PLCXD1: variants seen among roughly 807,000 people sequenced by gnomAD.
PLCXD1 encodes the protein phosphatidylinositol specific phospholipase C X domain containing 1, also known as PI-PLC X domain-containing protein 1.
PLCXD1 carries 45 observed loss-of-function variants against 37.8 expected under a neutral mutation model. The observed-to-expected ratio is 1.19, with a 90% CI of 0.94 to 1.53. The LOEUF (loss-of-function observed/expected upper bound fraction) is 1.53. PLCXD1 is among the 40% of genes most tolerant of loss of function. The probability of loss-of-function intolerance (pLI) is 0.00; values close to 1 mark genes in which losing one functional copy is unlikely to be tolerated. For synonymous variants in PLCXD1, 246 were observed against 206.9 expected (o/e 1.19, Z -1.62); for missense variants, 539 against 454.7 (o/e 1.19, Z -1.69).
rs1027359596 is a variant in PLCXD1 at position 302,766 on chromosome X, G to C, written c.*3431G>C. On this transcript the variant is annotated 3_prime_UTR_variant, in exon 7 of 7. Transcript: ENST00000381657. ...TTTTTGTGTGTTTAGCAGAGACGGG[G>C]TTTCACCATGTTGGCCAGGCTGGTC... 5 of 151,890 alleles carry C rather than the reference G, an allele frequency of 3.3e-5. No homozygotes were observed. The highest frequency in any genetic ancestry group is 9.7e-5 in the African/African-American group (4 of 41,346). 9.4% of individuals were successfully genotyped at this position (151,890 alleles called of 1,614,324 possible). A position where few individuals can be genotyped will look rare whatever the true frequency, so the allele number is the denominator to read the frequency against.
chrX:301,764 T>A lies in PLCXD1; in HGVS notation c.*2429T>A, dbSNP rs974076945. On this transcript the variant is annotated 3_prime_UTR_variant, in exon 7 of 7. Transcript: ENST00000381657. ...CCTCAGCCTCCTGAGTAGCTGGGATTACAGGCGCCCGCCACCGCGCCTGGC... is the reference window on the plus strand; with the variant it reads ...CCTCAGCCTCCTGAGTAGCTGGGATAACAGGCGCCCGCCACCGCGCCTGGC... 1 of 152,218 alleles carries A rather than the reference T, an allele frequency of 6.6e-6. No homozygotes were observed. Among genetic ancestry groups the A allele is most frequent in the African/African-American group, 2.4e-5 (1 of 41,426 alleles). The allele number at this position is 152,218 out of a possible 1,614,324, so 9.4% of individuals were successfully genotyped here.
At position 299,235 on chromosome X, in the gene PLCXD1, CG is replaced by C; in HGVS notation, c.875del (p.Gly292ValfsTer63). ...TGGGTCCGAGAGCAGTGCCCGGGGC[CG>C]GGTTCACGGTGCACCAACATCATCG... ...SAWVREQCPGPGSRCTNIIAG... is the reference protein window; with the variant it reads ...SAWVREQCPGXGSRCTNIIAG... On this transcript the variant is annotated frameshift_variant, in exon 7 of 7. Transcript: ENST00000381657. LOFTEE classifies it high-confidence loss of function. 1 of 1,613,898 alleles carries C rather than the reference CG, an allele frequency of 6.2e-7. No individual in the cohort carries two copies. Among genetic ancestry groups the C allele is most frequent in the Non-Finnish European group, 8.5e-7 (1 of 1,179,872 alleles).
chrX:297,512 C>G (rs1299350623), intron 6 of PLCXD1, among the ~76,000 whole-genome samples: 1 of 61,886 alleles, frequency 1.6e-5, no homozygotes, highest in Non-Finnish European at 3.0e-5. Flanking sequence ...GGCTGTTATT[C>G]TGTCTCCCAC....
intron 2 of PLCXD1, among the ~76,000 whole-genome samples, chrX:287,432 G>GAT (rs1006568860): frequency 2.2e-5 from 3 of 137,248 alleles, no homozygotes; most frequent in Non-Finnish European, 3.1e-5. Flanking sequence ...TTTATATATA[G>GAT]ATATATATAC....
intron 1 of PLCXD1, among the ~76,000 whole-genome samples, chrX:282,240 G>A (rs1385305720): frequency 6.6e-6 from 1 of 152,054 alleles, no homozygotes; most frequent in Non-Finnish European, 1.5e-5. Context: ...TACATTGCCG[G>A]GCGTGGTGGC....
In PLCXD1 at chrX:299,380, C is replaced by G; in HGVS notation, c.*45C>G. On this transcript the variant is annotated 3_prime_UTR_variant, in exon 7 of 7. Coordinates refer to ENST00000381657, the MANE Select transcript of PLCXD1 (RefSeq NM_018390.4). Reference sequence around the variant, plus strand: ...GGGACGCGGCGGCTGCAGTTTCACCCCCGAATTTCCAAGTATTGTGACTTT... The same window carrying G: ...GGGACGCGGCGGCTGCAGTTTCACCGCCGAATTTCCAAGTATTGTGACTTT... The G allele has an allele frequency of 1.5e-6, 2 of 1,348,476 alleles. No homozygotes were observed. Among genetic ancestry groups the G allele is most frequent in the Non-Finnish European group, 1.1e-6 (1 of 938,064 alleles). 83.5% of individuals were successfully genotyped at this position (1,348,476 alleles called of 1,614,324 possible).
At position 288,777 on chromosome X, in the gene PLCXD1, A is replaced by G. The variant is rs763239873; in HGVS notation, c.172A>G (p.Ile58Val). The change falls in exon 3 of 7, where the codon ATT (isoleucine) becomes GTT (valine). Residue 58 changes from isoleucine (I) to valine (V), a missense_variant. Coordinates refer to ENST00000381657, the MANE Select transcript of PLCXD1 (RefSeq NM_018390.4). ...GTACTGCCTGAACAAGAAGTCCCCC[A>G]TTTCGCACGAGGAGTCCCGGCTGCT... ...MTYCLNKKSP[I>V]SHEESRLLQL... 6.2e-7 allele frequency: 1 copy of G among 1,613,826 alleles called. No individual in the cohort carries two copies. The highest frequency in any genetic ancestry group is 1.1e-5 in the South Asian group (1 of 91,068).
At chrX:292,177 C>T (rs1002660126) in intron 5 of PLCXD1, among the ~76,000 whole-genome samples, 4 of 146,210 alleles carry the variant, frequency 2.7e-5, no homozygotes, top group East Asian at 2.0e-4. Flanking sequence ...GTGGGTGTGC[C>T]GGACGCAGTG....
At chrX:279,215 ATGT>A (rs368213018), upstream of PLCXD1, among the ~76,000 whole-genome samples, 145 of 152,258 alleles carry the variant, frequency 9.5e-4, 1 homozygote, top group Non-Finnish European at 1.6e-3. Context: ...CGATAGTAAA[ATGT>A]TGTAATTTTA....
intron 2 of PLCXD1, among the ~76,000 whole-genome samples, chrX:284,914 T>C (rs1253183777): frequency 1.3e-5 from 2 of 152,136 alleles, no homozygotes; most frequent in African/African-American, 4.8e-5. Flanking sequence ...TCGTGAGACT[T>C]ATTCACGATC....
chrX:282,858 G>T (rs75488353), intron 1 of PLCXD1, among the ~76,000 whole-genome samples: 28,210 of 145,616 alleles, frequency 0.19, 2,965 homozygotes, highest in African/African-American at 0.21. Context: ...TATATATAGT[G>T]ATGTATATAT....
upstream of PLCXD1, among the ~76,000 whole-genome samples, chrX:278,248 G>C (rs1016546383): frequency 5.3e-5 from 8 of 151,562 alleles, no homozygotes; most frequent in African/African-American, 1.9e-4. Flanking sequence ...AAGGTGACGG[G>C]AGGGGAGGGA....
chrX:286,434 G>A (rs953462275), intron 2 of PLCXD1, among the ~76,000 whole-genome samples: 1 of 152,078 alleles, frequency 6.6e-6, no homozygotes, highest in African/African-American at 2.4e-5. Flanking sequence ...AGCTTCCAGG[G>A]GTGATACTGT....
chrX:291,198 T>G (rs1031175531), intron 4 of PLCXD1, among the ~76,000 whole-genome samples: 2 of 150,354 alleles, frequency 1.3e-5, no homozygotes, highest in African/African-American at 4.9e-5. Flanking sequence ...CAGGCTGGAG[T>G]GCAGTGGTGC....
Position 299,306 on chromosome X carries a change from G to A in PLCXD1, c.943G>A (p.Ala315Thr), listed in dbSNP as rs764474227. ...AGACGGCTTCGTCAGTGACGTCATCGCGCTCAATCAGAAGCTGCTGTGGTG... is the reference window on the plus strand; with the variant it reads ...AGACGGCTTCGTCAGTGACGTCATCACGCTCAATCAGAAGCTGCTGTGGTG... ...GADGFVSDVI[A>T]LNQKLLWC Residue 315 changes from alanine to threonine, a missense_variant, in exon 7 of 7, where the codon GCG (alanine) becomes ACG (threonine). Ala to Thr is a moderately conservative substitution (Grantham distance 58). Transcript: ENST00000381657. 12 of 1,613,622 alleles carry A rather than the reference G, an allele frequency of 7.4e-6. No individual in the cohort carries two copies. The highest frequency in any genetic ancestry group is 1.0e-5 in the Non-Finnish European group (12 of 1,179,698).
rs1475124595 is a variant in PLCXD1 at position 293,664 on chromosome X, C to T, written c.733+446C>T. Among the ~76,000 whole-genome samples, 3 of 152,114 alleles carry T rather than the reference C, an allele frequency of 2.0e-5. No homozygotes were observed. The South Asian group carries it at 6.2e-4, about 31-fold the overall frequency. ...GGGGGAGGGATCAACAAGGTGTGGTCCATCCACGCGGTGGAATATTACACA... is the reference window on the plus strand; with the variant it reads ...GGGGGAGGGATCAACAAGGTGTGGTTCATCCACGCGGTGGAATATTACACA... On this transcript the variant is annotated intron_variant, in intron 6 of 6. Coordinates refer to ENST00000381657, the MANE Select transcript of PLCXD1 (RefSeq NM_018390.4).
rs757110731 is a variant in PLCXD1, at chrX:284,332, C to G, written c.127+18C>G. On this transcript the variant is annotated intron_variant, in intron 2 of 6. Transcript: ENST00000381657. ...CATCCCAGGTGAGGTTGGGGTGGGG[C>G]AGGGGCCGTTGCCTCTATCCCAGGT... 1 of 1,612,104 alleles carries G rather than the reference C, an allele frequency of 6.2e-7. No individual in the cohort carries two copies. The highest frequency in any genetic ancestry group is 1.3e-5 in the African/African-American group (1 of 74,850).
intron 6 of PLCXD1, among the ~76,000 whole-genome samples, chrX:298,630 G>T (rs1384356304): frequency 2.6e-4 from 11 of 42,156 alleles, no homozygotes; most frequent in Admixed American, 2.2e-3. Context: ...CATCTTTGGG[G>T]ACATTATTCT....
chrX:276,657 C>T (rs1355108807), upstream of PLCXD1, among the ~76,000 whole-genome samples: 3 of 152,144 alleles, frequency 2.0e-5, no homozygotes, highest in Admixed American at 6.5e-5. Flanking sequence ...GTCAGAGCCG[C>T]GGAGCCAGTG....
Sources: allele counts gnomAD v4.1 joint callset (sites outside exome capture counted in the v4.1 genomes callset), GRCh38; gene constraint gnomAD v4.1.1; transcripts MANE v1.5; gene names NCBI Gene and HGNC (gene_info 2026-07-23, HGNC 2026-07-21).